DNAAF11: variants seen among roughly 807,000 people sequenced by gnomAD.
DNAAF11 encodes dynein axonemal assembly factor 11.
A neutral mutation model predicts 60.8 loss-of-function variants in DNAAF11; 45 were observed. The observed-to-expected ratio is 0.74, with a 90% confidence interval of 0.58 to 0.95. The LOEUF (loss-of-function observed/expected upper bound fraction) is 0.95. DNAAF11 is among the 40% of genes least tolerant of loss of function. DNAAF11 has a pLI of 0.00. For missense variants in DNAAF11, 546 were observed against 546.2 expected (o/e 1.00, Z 0.00); for synonymous variants, 191 against 183.5 (o/e 1.04, Z -0.33).
upstream of DNAAF11, among the ~76,000 whole-genome samples, chr8:132,680,215 G>C (rs988769637): frequency 1.3e-5 from 2 of 152,238 alleles, no homozygotes; most frequent in African/African-American, 4.8e-5. Context: ...GTGGATGAAA[G>C]AGTTTAAAGA....
chr8:132,620,057 A>G (rs1225468644), intron 7 of DNAAF11, among the ~76,000 whole-genome samples: 1 of 152,148 alleles, frequency 6.6e-6, no homozygotes. Context: ...GGAAGTAAGG[A>G]GAGAGAAGGT....
rs549998425 is a variant in DNAAF11, at chr8:132,656,957, C to T, written c.179-50G>A. 146 of 655,642 alleles carry T rather than the reference C, an allele frequency of 2.2e-4. 5 individuals are homozygous for T. In the South Asian group the frequency reaches 2.6e-3, roughly 12 times the overall value. 40.6% of individuals were successfully genotyped at this position (655,642 alleles called of 1,614,324 possible). On this transcript the variant is annotated intron_variant, in intron 2 of 11. Coordinates refer to ENST00000620350, the MANE Select transcript of DNAAF11 (RefSeq NM_012472.6). ...AGATAATTAATCTTCAAAATAAAGA[C>T]ACTTTTATGTAATCTATTACTAAAA...
intron 3 of DNAAF11, among the ~76,000 whole-genome samples, chr8:132,647,458 T>G (rs1470930538): frequency 2.0e-5 from 3 of 151,822 alleles, no homozygotes; most frequent in African/African-American, 7.3e-5. Flanking sequence ...TTAAAAGAAC[T>G]AGAGAAGCAA....
intron 8 of DNAAF11, among the ~76,000 whole-genome samples, chr8:132,612,236 G>GCT (rs1299616468): frequency 7.9e-5 from 12 of 152,104 alleles, no homozygotes; most frequent in Non-Finnish European, 1.6e-4. Context: ...TTGTTAGGAA[G>GCT]GAACATGTAT....
chr8:132,618,768 G>C (rs1819450878), intron 7 of DNAAF11, among the ~76,000 whole-genome samples: 1 of 152,154 alleles, frequency 6.6e-6, no homozygotes, highest in Non-Finnish European at 1.5e-5. Context: ...ACGCCAGTTA[G>C]AATGGCTATC....
intron 1 of DNAAF11, 99 bp downstream of exon 1, chr8:132,675,385 C>G (rs62514517): frequency 2.8e-5 from 38 of 1,371,520 alleles, no homozygotes; most frequent in Non-Finnish European, 3.6e-5. Context: ...GCGGGGGAAC[C>G]GACAGCGCAG....
intron 10 of DNAAF11, among the ~76,000 whole-genome samples, chr8:132,599,013 T>C (rs1453938025): frequency 6.6e-6 from 1 of 151,654 alleles, no homozygotes; most frequent in Non-Finnish European, 1.5e-5. Flanking sequence ...TCAACAACAT[T>C]GATAGACCGC....
chr8:132,675,153 G>A, intron 1 of DNAAF11: 1 of 341,658 alleles, frequency 2.9e-6, no homozygotes, highest in Non-Finnish European at 5.3e-6. Context: ...CCACTTGGCC[G>A]GAACGTGGTG....
intron 10 of DNAAF11, among the ~76,000 whole-genome samples, chr8:132,598,658 T>A (rs1017647336): frequency 1.3e-5 from 2 of 152,156 alleles, no homozygotes. Context: ...TAAGTATAAA[T>A]CCTGCAGTTA....
intron 10 of DNAAF11, among the ~76,000 whole-genome samples, chr8:132,584,165 G>A (rs1401578819): frequency 2.0e-5 from 3 of 152,114 alleles, no homozygotes; most frequent in African/African-American, 2.4e-5. Flanking sequence ...ACTCTGAGAT[G>A]GGAGCTTGAA....
upstream of DNAAF11, among the ~76,000 whole-genome samples, chr8:132,679,529 C>A (rs1042963124): frequency 6.6e-6 from 1 of 152,178 alleles, no homozygotes; most frequent in African/African-American, 2.4e-5. Context: ...AGGATAAGAT[C>A]TGGTTCCAGG....
At chr8:132,665,271 A>G (rs1170477243) in intron 1 of DNAAF11, among the ~76,000 whole-genome samples, 2 of 152,182 alleles carry the variant, frequency 1.3e-5, no homozygotes, top group Non-Finnish European at 2.9e-5. Context: ...AGATATCTTC[A>G]TGGTGCATGG....
chr8:132,610,365 T>G (rs1295997308), intron 9 of DNAAF11, 104 bp from the exon 10 acceptor site: 4 of 715,144 alleles, frequency 5.6e-6, no homozygotes, highest in Non-Finnish European at 1.0e-5. Context: ...ACCATTCAAT[T>G]AAGAAATGTG....
At chr8:132,640,438 A>T (rs1307171213) in intron 3 of DNAAF11, among the ~76,000 whole-genome samples, 2 of 152,274 alleles carry the variant, frequency 1.3e-5, no homozygotes, top group Admixed American at 6.5e-5. Context: ...AAATGTCTGC[A>T]AGACATATTA....
chr8:132,639,150 T>C (rs1053178089), intron 3 of DNAAF11, among the ~76,000 whole-genome samples: 1 of 152,182 alleles, frequency 6.6e-6, no homozygotes, highest in East Asian at 1.9e-4. Context: ...TCTCGGACAA[T>C]GTACCTATGT....
At chr8:132,678,534 C>A (rs1424831785), upstream of DNAAF11, among the ~76,000 whole-genome samples, 1 of 152,094 alleles carries the variant, frequency 6.6e-6, no homozygotes, top group African/African-American at 2.4e-5. Context: ...TGTGCACCAT[C>A]ATGCCTGGCT....
intron 5 of DNAAF11, among the ~76,000 whole-genome samples, chr8:132,630,369 A>G (rs1042373006): frequency 2.0e-5 from 3 of 152,220 alleles, no homozygotes; most frequent in Non-Finnish European, 4.4e-5. Flanking sequence ...GGAAAAGAAT[A>G]GCACCTTAAT....
chr8:132,575,055 A>G (rs1251145100), intron 11 of DNAAF11, among the ~76,000 whole-genome samples: 2 of 152,230 alleles, frequency 1.3e-5, no homozygotes, highest in Non-Finnish European at 2.9e-5. Flanking sequence ...GTAAACCCAC[A>G]ACCTGCTAGG....
intron 10 of DNAAF11, among the ~76,000 whole-genome samples, chr8:132,590,918 T>C (rs888335707): frequency 7.2e-5 from 11 of 152,232 alleles, no homozygotes; most frequent in Non-Finnish European, 1.5e-4. Flanking sequence ...CAAAATTATA[T>C]ACTTTGATCT....
Sources: gnomAD v4.1 joint callset for allele counts (sites outside exome capture counted in the v4.1 genomes callset) on GRCh38, gnomAD v4.1.1 for gene constraint, MANE v1.5 for transcripts, NCBI Gene and HGNC (gene_info 2026-07-23, HGNC 2026-07-21) for gene names.